CSMD1: variants seen among roughly 807,000 people sequenced by gnomAD.
CSMD1 encodes the protein CUB and Sushi multiple domains 1.
A neutral mutation model predicts 417.5 loss-of-function variants in CSMD1; 213 were observed. The ratio of observed to expected loss-of-function variants is 0.51; its 90% CI spans 0.46 to 0.57. CSMD1 has a LOEUF of 0.57. CSMD1 is among the 20% of genes least tolerant of loss of function. The probability of loss-of-function intolerance (pLI) is 0.00; values close to 1 mark genes in which losing one functional copy is unlikely to be tolerated. For synonymous variants in CSMD1, 2,862 were observed against 1,736.8 expected, an observed-to-expected ratio of 1.65 and a Z score of -16.11; for missense variants, 6,923 against 4,529.7, an observed-to-expected ratio of 1.53 and a Z score of -15.17.
At chr8:4,250,935 T>C (rs937343464) in intron 3 of CSMD1, among the ~76,000 whole-genome samples, 3 of 152,168 alleles carry the variant, frequency 2.0e-5, no homozygotes, top group Non-Finnish European at 4.4e-5. Context: ...TGAGCTCTTT[T>C]CTTCAGATGA....
intron 3 of CSMD1, among the ~76,000 whole-genome samples, chr8:4,114,486 G>A (rs937976159): frequency 1.3e-5 from 2 of 152,176 alleles, no homozygotes; most frequent in Non-Finnish European, 2.9e-5. Flanking sequence ...TTGTCTTCAT[G>A]CCAGCTAATA....
At chr8:4,591,090 T>G (rs1351556836) in intron 2 of CSMD1, among the ~76,000 whole-genome samples, 1 of 152,238 alleles carries the variant, frequency 6.6e-6, no homozygotes, top group African/African-American at 2.4e-5. Context: ...TCTGCTATTC[T>G]CTAAGGTTGT....
At chr8:3,237,118 C>T (rs115316473) in intron 26 of CSMD1, among the ~76,000 whole-genome samples, 3,335 of 151,886 alleles carry the variant, frequency 0.022, 123 homozygotes, top group African/African-American at 0.075. Flanking sequence ...CAGAACTGGA[C>T]GCTGCAATAA....
In CSMD1 at chr8:2,968,906, A is replaced by G; in HGVS notation, c.8924-2160T>C. 1.3e-5 allele frequency among the ~76,000 whole-genome samples: 2 copies of G among 152,154 alleles called. 1 individual carries two copies. The highest frequency in any genetic ancestry group is 6.4e-3 in the Middle Eastern group (2 of 314). Reference sequence around the variant, plus strand: ...TTTTGTTAACGTGACTTCTTCAGCTAAAACATAATTTCTTTAACTCAGCAT... The same window carrying G: ...TTTTGTTAACGTGACTTCTTCAGCTGAAACATAATTTCTTTAACTCAGCAT... On this transcript the variant is annotated intron_variant, in intron 57 of 69. Transcript: ENST00000635120.
rs1318585308 is a variant in CSMD1, at chr8:3,795,882, CTATCATGTACAGATATATA to C, written c.819-41859_819-41841del. Among the ~76,000 whole-genome samples, 26 of 64,656 alleles carry C rather than the reference CTATCATGTACAGATATATA, an allele frequency of 4.0e-4. 6 individuals are homozygous for C. The South Asian group carries it at 5.5e-3, about 14-fold the overall frequency. 42.4% of individuals were successfully genotyped at this position (64,656 alleles called of 152,430 possible). On this transcript the variant is annotated intron_variant, in intron 5 of 69. Transcript: ENST00000635120. ...ATCATGTACAGATATAGATATATAT[CTATCATGTACAGATATATA>C]TATCATGTACAGATATAGATATCTA...
At chr8:4,172,083 C>T (rs564882772) in intron 3 of CSMD1, among the ~76,000 whole-genome samples, 189 of 152,126 alleles carry the variant, frequency 1.2e-3, no homozygotes, top group African/African-American at 4.4e-3. Context: ...CAGGGGAAGG[C>T]GTATCACGGA....
chr8:3,280,895 A>G (rs999475163), intron 26 of CSMD1, among the ~76,000 whole-genome samples: 2 of 152,222 alleles, frequency 1.3e-5, no homozygotes, highest in Admixed American at 1.3e-4. Context: ...CTGAAGAGAG[A>G]ATCATGAATA....
chr8:4,848,517 A>T (rs1370419789), intron 1 of CSMD1, among the ~76,000 whole-genome samples: 1 of 152,038 alleles, frequency 6.6e-6, no homozygotes, highest in African/African-American at 2.4e-5. Flanking sequence ...AGTCTAGCAC[A>T]TAAAATGATG....
intron 1 of CSMD1, among the ~76,000 whole-genome samples, chr8:4,984,471 C>A (rs565819611): frequency 9.9e-5 from 15 of 152,264 alleles, no homozygotes; most frequent in African/African-American, 3.1e-4. Context: ...GTTTATAGGA[C>A]CATTTACCTG....
intron 1 of CSMD1, among the ~76,000 whole-genome samples, chr8:4,778,840 G>A (rs1377837098): frequency 1.3e-5 from 2 of 152,206 alleles, no homozygotes; most frequent in African/African-American, 2.4e-5. Flanking sequence ...TCAAAAGTCA[G>A]ATAGTATTTA....
chr8:4,837,530 G>C (rs910061904), intron 1 of CSMD1, among the ~76,000 whole-genome samples: 2 of 152,050 alleles, frequency 1.3e-5, no homozygotes, highest in Non-Finnish European at 2.9e-5. Flanking sequence ...TTGCAGCTTT[G>C]GTTCTTATCT....
At chr8:3,979,067 A>AGGAAATATACCT (rs1813655559) in intron 5 of CSMD1, among the ~76,000 whole-genome samples, 1 of 152,216 alleles carries the variant, frequency 6.6e-6, no homozygotes, top group African/African-American at 2.4e-5. Context: ...TTTCCTTCAG[A>AGGAAATATACCT]TGTGCACAGC....
At chr8:3,736,237 T>G (rs1584923604) in intron 6 of CSMD1, among the ~76,000 whole-genome samples, 1 of 151,080 alleles carries the variant, frequency 6.6e-6, no homozygotes, top group Non-Finnish European at 1.5e-5. Flanking sequence ...GTGTGTATTT[T>G]TTTGTTTTGT....
chr8:3,789,445 T>G lies in CSMD1; in HGVS notation c.819-35403A>C, dbSNP rs1343604294. Among the ~76,000 whole-genome samples, 412 of 115,582 alleles carry G rather than the reference T, an allele frequency of 3.6e-3. 4 individuals are homozygous for G. Among genetic ancestry groups the G allele is most frequent in the Non-Finnish European group, 3.7e-3 (222 of 60,510 alleles). The allele number at this position is 115,582 out of a possible 152,430, so 75.8% of individuals were successfully genotyped here. The stretch of plus-strand genomic sequence containing the variant: ...TAAGTAGTGTTTTTTTTTAAGTGTT[T>G]TTTTTTTTTTTTAAGTAAGGGACAA... On this transcript the variant is annotated intron_variant, in intron 5 of 69. Coordinates refer to ENST00000635120, the MANE Select transcript of CSMD1 (RefSeq NM_033225.6).
At chr8:4,257,129 C>A (rs1358021129) in intron 3 of CSMD1, among the ~76,000 whole-genome samples, 1 of 152,144 alleles carries the variant, frequency 6.6e-6, no homozygotes, top group Non-Finnish European at 1.5e-5. Context: ...TCATACTCAC[C>A]ACATTTGTTA....
chr8:4,013,058 CT>C (rs759121703), intron 4 of CSMD1, among the ~76,000 whole-genome samples: 38 of 152,080 alleles, frequency 2.5e-4, no homozygotes, highest in Non-Finnish European at 4.7e-4. Flanking sequence ...AGCTTATGTT[CT>C]TTTCTCATAA....
At chr8:3,833,737 C>G (rs765807824) in intron 5 of CSMD1, among the ~76,000 whole-genome samples, 11 of 152,078 alleles carry the variant, frequency 7.2e-5, no homozygotes, top group Admixed American at 6.6e-4. Flanking sequence ...TTGGCACTTA[C>G]ATGGATAATT....
chr8:3,722,661 C>A (rs1366309577), intron 6 of CSMD1, among the ~76,000 whole-genome samples: 1 of 152,176 alleles, frequency 6.6e-6, no homozygotes, highest in Non-Finnish European at 1.5e-5. Context: ...TGTGTATATT[C>A]CGCACAGAGT....
chr8:4,818,373 T>C (rs1799324100), intron 1 of CSMD1, among the ~76,000 whole-genome samples: 1 of 152,186 alleles, frequency 6.6e-6, no homozygotes, highest in Non-Finnish European at 1.5e-5. Flanking sequence ...CTTCAATAAG[T>C]GCCATGGAAA....
Sources: gnomAD v4.1 joint callset for allele counts (sites outside exome capture counted in the v4.1 genomes callset) on GRCh38, gnomAD v4.1.1 for gene constraint, MANE v1.5 for transcripts, NCBI Gene and HGNC (gene_info 2026-07-23, HGNC 2026-07-21) for gene names.